The following ANXA2 variants were observed in gnomAD, a reference collection of about 807,000 sequenced individuals.
ANXA2 encodes annexin A2.
Under a neutral mutation model 47.3 loss-of-function variants are expected in ANXA2, and 28 were observed. The ratio of observed to expected loss-of-function variants is 0.59; its 90% CI spans 0.44 to 0.81. ANXA2 has a LOEUF of 0.81. Among genes scored for constraint, ANXA2 ranks in the 40% least tolerant of loss-of-function variants. ANXA2 has a pLI of 0.00. For synonymous variants in ANXA2, 172 were observed against 155.5 expected (o/e 1.11, Z -0.79); for missense variants, 384 against 414.3 (o/e 0.93, Z 0.64).
chr15:60,377,244 G>C (rs1010153373), intron 3 of ANXA2, among the ~76,000 whole-genome samples: 7 of 152,152 alleles, frequency 4.6e-5, no homozygotes, highest in African/African-American at 1.7e-4. Context: ...TAGTTATCCA[G>C]TATCTAATAA....
chr15:60,362,617 T>C (rs1394880475), intron 4 of ANXA2: 1 of 152,198 alleles, frequency 6.6e-6, no homozygotes, highest in Non-Finnish European at 1.5e-5. Flanking sequence ...AAATCTTCCT[T>C]ATTTCACAAA....
intron 3 of ANXA2, chr15:60,374,387 T>C (rs1400204000): frequency 4.4e-6 from 2 of 451,078 alleles, no homozygotes; most frequent in Non-Finnish European, 8.9e-6. Context: ...GTCAGCCTCA[T>C]GGGACAGAAA....
rs1375010587 is a variant in ANXA2 at position 60,347,406 on chromosome 15, GACTTC to G, written c.*219_*223del. ...AGGAGGCAAAGTGTTTCACATCATA[GACTTC>G]ACTTCCAACTCCTTGGAATGTTCAT... On this transcript the variant is annotated 3_prime_UTR_variant, in exon 13 of 13. Transcript: ENST00000451270. 1 of 592,272 alleles carries G rather than the reference GACTTC, an allele frequency of 1.7e-6. No homozygotes were observed. Among genetic ancestry groups the G allele is most frequent in the East Asian group, 2.8e-5 (1 of 35,954 alleles). 36.7% of individuals were successfully genotyped at this position (592,272 alleles called of 1,614,324 possible).
intron 1 of ANXA2, among the ~76,000 whole-genome samples, chr15:60,391,623 G>A (rs528439414): frequency 1.0e-3 from 152 of 152,288 alleles, no homozygotes; most frequent in African/African-American, 3.6e-3. Flanking sequence ...CATTTGCTCT[G>A]GAGGCAGAAT....
chr15:60,397,618 CG>C (rs1306048708), intron 1 of ANXA2, among the ~76,000 whole-genome samples: 1 of 152,166 alleles, frequency 6.6e-6, no homozygotes, highest in Non-Finnish European at 1.5e-5. Flanking sequence ...GTCTGGAATG[CG>C]GGGCCTCCCT....
rs2063042853 is a variant in ANXA2 at position 60,393,596 on chromosome 15, ACTTT to A, written c.-12+4343_-12+4346del. 5 of 985,278 alleles carry A rather than the reference ACTTT, an allele frequency of 5.1e-6. No homozygotes were observed. The South Asian group carries it at 1.9e-4, about 37-fold the overall frequency. 61.0% of individuals were successfully genotyped at this position (985,278 alleles called of 1,614,324 possible). A position where few individuals can be genotyped will look rare whatever the true frequency, so the allele number is the denominator to read the frequency against. ...TAACTCTTCTCCAAACACGCTCAGC[ACTTT>A]CTAAGTTCCCTCCACCAGGAACCTC... On this transcript the variant is annotated intron_variant, in intron 1 of 12. Transcript: ENST00000451270.
chr15:60,393,208 C>G lies in ANXA2; in HGVS notation c.-12+4735G>C. 5.2e-6 allele frequency: 6 copies of G among 1,148,600 alleles called. No homozygotes were observed. In the South Asian group the frequency reaches 1.1e-4, roughly 21 times the overall value. The allele number at this position is 1,148,600 out of a possible 1,614,324, so 71.2% of individuals were successfully genotyped here. ...CAGCTTGTCTCTTCTGTGGCCTGAT[C>G]TGAATCAATATTTGTTTGCTCCCTA... On this transcript the variant is annotated intron_variant, in intron 1 of 12. Coordinates refer to ENST00000451270, the MANE Select transcript of ANXA2 (RefSeq NM_004039.3).
chr15:60,357,877 G>A (rs1445212216), intron 5 of ANXA2, among the ~76,000 whole-genome samples: 1 of 151,470 alleles, frequency 6.6e-6, no homozygotes, highest in Non-Finnish European at 1.5e-5. Context: ...TTTTGCTGTG[G>A]GTAGATAAAG....
intron 3 of ANXA2, among the ~76,000 whole-genome samples, chr15:60,371,704 C>T (rs576333336): frequency 4.6e-5 from 7 of 152,232 alleles, no homozygotes; most frequent in African/African-American, 9.6e-5. Flanking sequence ...GGGAAGACCA[C>T]GACTTGACTT....
chr15:60,374,866 G>A (rs566853218), intron 3 of ANXA2, among the ~76,000 whole-genome samples: 13 of 152,270 alleles, frequency 8.5e-5, no homozygotes, highest in African/African-American at 3.1e-4. Flanking sequence ...GTTCCCTCCC[G>A]TTCCCTTCCA....
intron 6 of ANXA2, 119 bp from the exon 7 acceptor site, chr15:60,356,117 T>G (rs2140800268): frequency 1.4e-6 from 1 of 717,262 alleles, no homozygotes; most frequent in Non-Finnish European, 2.4e-6. Flanking sequence ...GCTGGACATA[T>G]CCATTCTCCT....
intron 3 of ANXA2, among the ~76,000 whole-genome samples, chr15:60,369,334 C>T (rs757385933): frequency 5.3e-5 from 8 of 152,186 alleles, no homozygotes; most frequent in Non-Finnish European, 1.2e-4. Context: ...AATTCTATGG[C>T]TCTAGGTTTC....
At chr15:60,349,853 T>G (rs369527440) in intron 11 of ANXA2, among the ~76,000 whole-genome samples, 3,054 of 38,998 alleles carry the variant, frequency 0.078, 11 homozygotes, top group Middle Eastern at 0.21. Context: ...GGGAGGGAGG[T>G]GAAGGCAGGG....
At chr15:60,392,200 G>GA (rs2063021686) in intron 1 of ANXA2, among the ~76,000 whole-genome samples, 1 of 152,182 alleles carries the variant, frequency 6.6e-6, no homozygotes, top group Non-Finnish European at 1.5e-5. Context: ...GCTGATAAAT[G>GA]AGACTGTGAA....
chr15:60,358,607 C>A (rs1001352694), intron 5 of ANXA2, among the ~76,000 whole-genome samples: 2 of 152,168 alleles, frequency 1.3e-5, no homozygotes, highest in South Asian at 2.1e-4. Flanking sequence ...CTTCATCTAA[C>A]CTTTGAGCCA....
At chr15:60,380,600 T>A (rs1595698799) in intron 3 of ANXA2, among the ~76,000 whole-genome samples, 1 of 148,532 alleles carries the variant, frequency 6.7e-6, no homozygotes, top group Non-Finnish European at 1.5e-5. Context: ...GGTGAGGGAG[T>A]TCGAGACCAG....
chr15:60,395,520 C>A (rs1024775680), intron 1 of ANXA2: 40 of 152,162 alleles, frequency 2.6e-4, no homozygotes, highest in African/African-American at 9.7e-4. Flanking sequence ...ATTCTAGGCC[C>A]AGTGGTGTAG....
chr15:60,390,301 T>C (rs2062990953), intron 1 of ANXA2: 5 of 1,050,404 alleles, frequency 4.8e-6, no homozygotes, highest in Non-Finnish European at 5.8e-6. Context: ...GTGAGTTTAA[T>C]GGCAAACATT....
intron 8 of ANXA2, among the ~76,000 whole-genome samples, chr15:60,353,914 C>T (rs2062385265): frequency 6.6e-6 from 1 of 152,142 alleles, no homozygotes; most frequent in African/African-American, 2.4e-5. Flanking sequence ...CCAGTCAAGC[C>T]CTCAGGTGAC....
Sources: gnomAD v4.1 joint callset for allele counts (sites outside exome capture counted in the v4.1 genomes callset) on GRCh38, gnomAD v4.1.1 for gene constraint, MANE v1.5 for transcripts, NCBI Gene and HGNC (gene_info 2026-07-23, HGNC 2026-07-21) for gene names.